Variants in HOXA3 observed in about 807,000 individuals in gnomAD.
The protein encoded by HOXA3 is homeobox A3, also known as homeobox protein Hox-A3.
In HOXA3, 8 loss-of-function variants were observed where a neutral mutation model predicts 30.3. That is an observed-to-expected ratio of 0.26 (90% confidence interval 0.15 to 0.48). The LOEUF (loss-of-function observed/expected upper bound fraction) is 0.48. Ranked by LOEUF, HOXA3 falls within the 20% of genes least tolerant of loss-of-function variation. HOXA3 has a pLI of 0.99. For missense variants in HOXA3, 653 were observed against 614.4 expected (o/e 1.06, Z -0.66); for synonymous variants, 323 against 273.1 (o/e 1.18, Z -1.80).
In HOXA3 at chr7:27,149,720, G is replaced by A. The variant is rs553146916; in HGVS notation, c.-494+2568C>T. 3.9e-5 allele frequency among the ~76,000 whole-genome samples: 6 copies of A among 152,332 alleles called. No homozygotes were observed. The South Asian group carries it at 6.2e-4, about 16-fold the overall frequency. ...TTACTTCAGGGAAAGAATTCAATAG[G>A]TGAAAATGAAAACTCGAGTCAAAAA... On this transcript the variant is annotated intron_variant, in intron 1 of 5. Coordinates refer to ENST00000612286, the MANE Select transcript of HOXA3 (RefSeq NM_153631.3).
chr7:27,112,933 C>A (rs1200105640), intron 4 of HOXA3, among the ~76,000 whole-genome samples: 4 of 152,176 alleles, frequency 2.6e-5, no homozygotes, highest in African/African-American at 4.8e-5. Context: ...AAAGAGCATA[C>A]AACAGCCCTC....
At chr7:27,135,549 A>G (rs1215449674) in intron 2 of HOXA3, among the ~76,000 whole-genome samples, 2 of 152,154 alleles carry the variant, frequency 1.3e-5, no homozygotes, top group Non-Finnish European at 2.9e-5. Context: ...GTAGTTTCAG[A>G]AAAAGCATAT....
At chr7:27,136,449 T>C (rs1472084951) in intron 2 of HOXA3, among the ~76,000 whole-genome samples, 3 of 152,116 alleles carry the variant, frequency 2.0e-5, no homozygotes, top group Admixed American at 2.0e-4. Context: ...AAAGAGAAGA[T>C]GGGGGAAAGC....
chr7:27,126,221 T>A (rs1411466197), intron 3 of HOXA3, among the ~76,000 whole-genome samples: 1 of 152,162 alleles, frequency 6.6e-6, no homozygotes, highest in East Asian at 1.9e-4. Flanking sequence ...CATTAAAGTG[T>A]CTCCTATCCG....
In HOXA3 at chr7:27,107,803, A is replaced by G. The variant is rs1362691389; in HGVS notation, c.*112T>C. ...GGAGTGCGGGGCGGAGAAGAGAGAA[A>G]AGGAAGGAAGGAAAGGGCAGGAAGA... On this transcript the variant is annotated 3_prime_UTR_variant, in exon 6 of 6. Transcript: ENST00000612286. 1 of 741,566 alleles carries G rather than the reference A, an allele frequency of 1.3e-6. No individual in the cohort carries two copies. The highest frequency in any genetic ancestry group is 1.8e-5 in the African/African-American group (1 of 55,678). The allele number at this position is 741,566 out of a possible 1,614,324, so 45.9% of individuals were successfully genotyped here. A position where few individuals can be genotyped will look rare whatever the true frequency, so the allele number is the denominator to read the frequency against.
At chr7:27,142,034 T>C in intron 1 of HOXA3, 1 of 1,614,202 alleles carries the variant, frequency 6.2e-7, no homozygotes, top group Non-Finnish European at 8.5e-7. Context: ...CAGGGTCTGG[T>C]AGCGCGTGTA....
chr7:27,111,525 G>C (rs1193099922), intron 4 of HOXA3, among the ~76,000 whole-genome samples: 2 of 132,478 alleles, frequency 1.5e-5, no homozygotes, highest in East Asian at 2.3e-4. Flanking sequence ...TAGGGTGAGG[G>C]ACCAACAGTA....
At chr7:27,127,102 G>C (rs940234262) in intron 2 of HOXA3, 32 bp from the exon 3 acceptor site, 1 of 152,188 alleles carries the variant, frequency 6.6e-6, no homozygotes, top group Non-Finnish European at 1.5e-5. Flanking sequence ...TTTATTGTTT[G>C]AGGTGATTAA....
In HOXA3 at chr7:27,113,912, C is replaced by T. The variant is rs1157028026; in HGVS notation, c.-120-3152G>A. The T allele has an allele frequency of 6.6e-6, 1 of 151,446 alleles. No homozygotes were observed. The highest frequency in any genetic ancestry group is 1.5e-5 in the Non-Finnish European group (1 of 67,620). The allele number at this position is 151,446 out of a possible 1,614,324, so 9.4% of individuals were successfully genotyped here. A position where few individuals can be genotyped will look rare whatever the true frequency, so the allele number is the denominator to read the frequency against. Reference sequence around the variant, plus strand: ...CTCCCCCACACCCCCGCCCCCTGCCCTTCCCGAGGGCAGCAGCCGCGGCCC... The same window carrying T: ...CTCCCCCACACCCCCGCCCCCTGCCTTTCCCGAGGGCAGCAGCCGCGGCCC... On this transcript the variant is annotated intron_variant, in intron 4 of 5. Transcript: ENST00000612286. The surrounding 1 kb of genome is among the most constrained non-coding windows in gnomAD (Gnocchi z 4.8).
At position 27,129,389 on chromosome 7, in the gene HOXA3, T is replaced by C. The variant is rs2128053935; in HGVS notation, c.-389-2319A>G. ...TTGTGGTCTTTCTTCCACTTCATCC[T>C]CCGGTTCTGAAACCAGATCTTGACC... On this transcript the variant is annotated intron_variant, in intron 2 of 5. Coordinates refer to ENST00000612286, the MANE Select transcript of HOXA3 (RefSeq NM_153631.3). The C allele has an allele frequency of 6.2e-7, 1 of 1,614,120 alleles. No homozygotes were observed. Among genetic ancestry groups the C allele is most frequent in the Middle Eastern group, 1.7e-4 (1 of 6,060 alleles).
rs974919397 is a variant in HOXA3, at chr7:27,110,677, G to C, written c.-37C>G. On this transcript the variant is annotated 5_prime_UTR_variant, in exon 5 of 6. Transcript: ENST00000612286. ...ACGATCTTGATCGCACACTCTGACAGGGGTTTGACACCCGTGAGGGCGCAC... is the reference window on the plus strand; with the variant it reads ...ACGATCTTGATCGCACACTCTGACACGGGTTTGACACCCGTGAGGGCGCAC... The C allele has an allele frequency of 1.9e-6, 3 of 1,590,412 alleles. No individual in the cohort carries two copies. The highest frequency in any genetic ancestry group is 2.7e-5 in the African/African-American group (2 of 74,542).
chr7:27,147,984 C>A (rs1421043303), intron 1 of HOXA3, among the ~76,000 whole-genome samples: 3 of 152,248 alleles, frequency 2.0e-5, no homozygotes, highest in Non-Finnish European at 4.4e-5. Context: ...GCCCGCCCGC[C>A]GCCCGCCCGG....
chr7:27,143,037 T>C (rs1388433105), intron 1 of HOXA3: 3 of 1,500,996 alleles, frequency 2.0e-6, no homozygotes, highest in East Asian at 4.9e-5. Flanking sequence ...AGAAAAAGGC[T>C]GGCTTTACCA....
intron 1 of HOXA3, chr7:27,145,425 G>T: frequency 1.6e-6 from 1 of 627,482 alleles, no homozygotes; most frequent in South Asian, 2.0e-5. Flanking sequence ...CCGCTCCACC[G>T]CTGGTATTGG....
intron 1 of HOXA3, among the ~76,000 whole-genome samples, chr7:27,149,344 G>A (rs1406426132): frequency 6.6e-6 from 1 of 152,248 alleles, no homozygotes; most frequent in African/African-American, 2.4e-5. Context: ...CTGTTTACAA[G>A]ATCTGTAAAA....
At chr7:27,147,231 T>C (rs2128062698) in intron 1 of HOXA3, 1 of 1,345,070 alleles carries the variant, frequency 7.4e-7, no homozygotes, top group Non-Finnish European at 1.0e-6. Flanking sequence ...TTCCTCTTTC[T>C]ACTCTGTTTC....
chr7:27,150,209 G>A (rs1364279167), intron 1 of HOXA3: 2 of 151,908 alleles, frequency 1.3e-5, no homozygotes, highest in African/African-American at 4.8e-5. Flanking sequence ...GCAAGAATAG[G>A]CACCCCAGAC....
chr7:27,143,675 A>G (rs1308462425), intron 1 of HOXA3: 1 of 1,514,206 alleles, frequency 6.6e-7, no homozygotes, highest in Non-Finnish European at 8.8e-7. Flanking sequence ...ACCCTTGCAC[A>G]ATTTATGATG....
intron 3 of HOXA3, among the ~76,000 whole-genome samples, chr7:27,125,337 A>G (rs868563759): frequency 1.3e-5 from 2 of 152,228 alleles, no homozygotes; most frequent in South Asian, 4.1e-4. Flanking sequence ...CAGTCTTTCA[A>G]TCTGGGAATC....
Sources: allele counts gnomAD v4.1 joint callset (sites outside exome capture counted in the v4.1 genomes callset), GRCh38; gene constraint gnomAD v4.1.1; non-coding constraint Gnocchi (gnomAD v3.1); transcripts MANE v1.5; gene names NCBI Gene and HGNC (gene_info 2026-07-23, HGNC 2026-07-21).